Variants in KIF14 observed in about 807,000 individuals in gnomAD.
KIF14 encodes the protein kinesin-like protein KIF14.
KIF14 carries 98 observed loss-of-function variants against 176.2 expected under a neutral mutation model. The ratio of observed to expected loss-of-function variants is 0.56; its 90% CI spans 0.47 to 0.66. KIF14 has a LOEUF of 0.66. Ranked by LOEUF, KIF14 falls within the 30% of genes least tolerant of loss-of-function variation. The pLI, the probability that KIF14 is intolerant of heterozygous loss-of-function variation, is 0.00. For synonymous variants in KIF14, 566 were observed against 632.2 expected (o/e 0.90, Z 1.57); for missense variants, 1,751 against 1,920.4 (o/e 0.91, Z 1.65).
At chr1:200,619,865 T>C (rs1368878118) in intron 1 of KIF14, among the ~76,000 whole-genome samples, 1 of 152,176 alleles carries the variant, frequency 6.6e-6, no homozygotes, top group East Asian at 1.9e-4. Context: ...ACAGCAACAA[T>C]ATCTATCAGG....
At chr1:200,606,825 T>G in intron 5 of KIF14, 27 bp from the exon 6 acceptor site, 1 of 1,553,094 alleles carries the variant, frequency 6.4e-7, no homozygotes, top group Non-Finnish European at 8.9e-7. Flanking sequence ...CATGCATCAT[T>G]AGGAGTATGA....
chr1:200,558,661 G>A (rs1393584521), intron 27 of KIF14, among the ~76,000 whole-genome samples: 1 of 152,194 alleles, frequency 6.6e-6, no homozygotes, highest in East Asian at 1.9e-4. Flanking sequence ...TCCAGTAACT[G>A]TCAGAGGAAA....
At chr1:200,588,403 G>C (rs1658872189) in intron 18 of KIF14, among the ~76,000 whole-genome samples, 1 of 152,000 alleles carries the variant, frequency 6.6e-6, no homozygotes, top group African/African-American at 2.4e-5. Flanking sequence ...ACCATGCCCA[G>C]CTAATTTTTG....
intron 19 of KIF14, among the ~76,000 whole-genome samples, chr1:200,581,831 C>T (rs1314543091): frequency 7.3e-6 from 1 of 136,956 alleles, no homozygotes; most frequent in Non-Finnish European, 1.5e-5. Context: ...TACAGTGGCT[C>T]AAGCATGGCT....
intron 25 of KIF14, among the ~76,000 whole-genome samples, chr1:200,562,608 A>C (rs894537487): frequency 1.1e-4 from 16 of 152,170 alleles, no homozygotes; most frequent in African/African-American, 3.6e-4. Flanking sequence ...CTAAGCACTG[A>C]CCATCCTTCA....
intron 9 of KIF14, 90 bp downstream of exon 9, chr1:200,603,749 G>T: frequency 1.3e-6 from 1 of 751,286 alleles, no homozygotes. Flanking sequence ...GATATATTTG[G>T]GGAGGTTAAG....
intron 27 of KIF14, 151 bp from the exon 28 acceptor site, chr1:200,555,605 A>T (rs980374026): frequency 4.7e-6 from 2 of 424,860 alleles, no homozygotes; most frequent in Non-Finnish European, 8.5e-6. Context: ...ATAGCTTGAG[A>T]GTACTTAAAT....
rs749131549 is a variant in KIF14, at chr1:200,600,438, G to C, written c.2218C>G (p.Arg740Gly). The C allele has an allele frequency of 6.2e-7, 1 of 1,613,216 alleles. No individual in the cohort carries two copies. Among genetic ancestry groups the C allele is most frequent in the Non-Finnish European group, 8.5e-7 (1 of 1,179,380 alleles). ...QRNSRNIDPE[R>G]YRLCRQEITS... ...ATTTCTTGCCGACAGAGCCTGTATCGTTCAGGGTCAATATTCCGACTGTTT... is the reference window on the plus strand; with the variant it reads ...ATTTCTTGCCGACAGAGCCTGTATCCTTCAGGGTCAATATTCCGACTGTTT... The change falls in exon 12 of 30, where the codon CGA becomes GGA. Residue 740 changes from arginine (R) to glycine (G), a missense_variant. Transcript: ENST00000367350.
intron 5 of KIF14, among the ~76,000 whole-genome samples, chr1:200,608,373 T>C (rs898108010): frequency 6.6e-6 from 1 of 151,540 alleles, no homozygotes; most frequent in Non-Finnish European, 1.5e-5. Flanking sequence ...TTTTCTTTTT[T>C]TTTTTTTTGG....
At chr1:200,562,902 T>C (rs1341342333) in intron 25 of KIF14, among the ~76,000 whole-genome samples, 2 of 152,116 alleles carry the variant, frequency 1.3e-5, no homozygotes, top group African/African-American at 2.4e-5. Flanking sequence ...TATCACATAA[T>C]GGTGCCTTGT....
chr1:200,553,335 C>A lies in KIF14; in HGVS notation c.*53G>T. 1.3e-6 allele frequency: 2 copies of A among 1,504,284 alleles called. No individual in the cohort carries two copies. Among genetic ancestry groups the A allele is most frequent in the South Asian group, 2.7e-5 (2 of 73,410 alleles). 93.2% of individuals were successfully genotyped at this position (1,504,284 alleles called of 1,614,324 possible). On this transcript the variant is annotated 3_prime_UTR_variant, in exon 30 of 30. Transcript: ENST00000367350. ...CTCCTGCATAAAGAAAATTACCGAG[C>A]AAGTGTTCTTTTTCTTTCATGGGTG... is the stretch of plus-strand genomic sequence containing the variant.
chr1:200,594,991 G>A (rs6673474), intron 14 of KIF14, among the ~76,000 whole-genome samples: 1 of 152,002 alleles, frequency 6.6e-6, no homozygotes, highest in Non-Finnish European at 1.5e-5. Flanking sequence ...CATTCTGGAC[G>A]CCCCACAATC....
At chr1:200,605,151 A>T (rs905048697) in intron 8 of KIF14, 132 bp downstream of exon 8, 15 of 827,112 alleles carry the variant, frequency 1.8e-5, no homozygotes, top group Admixed American at 4.9e-5. Flanking sequence ...CCTGTGGAAA[A>T]AAAATACCTT....
At chr1:200,586,560 CAAT>C (rs1257384201) in intron 18 of KIF14, among the ~76,000 whole-genome samples, 1 of 150,836 alleles carries the variant, frequency 6.6e-6, no homozygotes, top group African/African-American at 2.4e-5. Flanking sequence ...TTCCCCACAA[CAAT>C]ATTATTAGGA....
chr1:200,582,302 A>G (rs954745821), intron 19 of KIF14, among the ~76,000 whole-genome samples: 1 of 152,036 alleles, frequency 6.6e-6, no homozygotes, highest in Non-Finnish European at 1.5e-5. Context: ...TGAGCCCAGG[A>G]GTTTGAGGTT....
intron 25 of KIF14, among the ~76,000 whole-genome samples, chr1:200,562,999 A>C (rs1657244951): frequency 6.6e-6 from 1 of 152,232 alleles, no homozygotes; most frequent in African/African-American, 2.4e-5. Context: ...TTATATTAAA[A>C]GTCATAACGG....
chr1:200,617,961 A>C lies in KIF14; in HGVS notation c.763T>G (p.Tyr255Asp). The C allele has an allele frequency of 6.2e-7, 1 of 1,613,966 alleles. No homozygotes were observed. Among genetic ancestry groups the C allele is most frequent in the East Asian group, 2.2e-5 (1 of 44,882 alleles). ...DIKVLGTGNL[Y>D]HRSIGKEIAK... ...ATTTCCTTCCCAATACTTCTATGAT[A>C]CAAGTTTCCTGTTCCCAACACTTTG... Residue 255 changes from tyrosine (Y) to aspartate (D), a missense_variant, in exon 2 of 30, where the codon TAT (tyrosine) becomes GAT (aspartate). Physicochemically the swap from Tyr to Asp is radical, Grantham distance 160. Coordinates refer to ENST00000367350, the MANE Select transcript of KIF14 (RefSeq NM_014875.3).
intron 19 of KIF14, 35 bp from the exon 20 acceptor site, chr1:200,581,329 A>T (rs777477842): frequency 3.3e-6 from 4 of 1,207,994 alleles, no homozygotes; most frequent in Non-Finnish European, 4.8e-6. Context: ...TTCAAAATAC[A>T]TACATGGACA....
chr1:200,571,073 T>G (rs913582658), intron 22 of KIF14, among the ~76,000 whole-genome samples: 1 of 152,220 alleles, frequency 6.6e-6, no homozygotes, highest in Non-Finnish European at 1.5e-5. Flanking sequence ...ACCTGTGAAG[T>G]GCAGCAGTGG....
Sources: allele counts gnomAD v4.1 joint callset (sites outside exome capture counted in the v4.1 genomes callset), GRCh38; gene constraint gnomAD v4.1.1; transcripts MANE v1.5; gene names NCBI Gene and HGNC (gene_info 2026-07-23, HGNC 2026-07-21).